The following GNA12 variants were observed in gnomAD, a reference collection of about 807,000 sequenced individuals.
GNA12 encodes G protein subunit alpha 12.
Under a neutral mutation model 26.0 loss-of-function variants are expected in GNA12, and 9 were observed. That is an observed-to-expected ratio of 0.35 (90% CI 0.21 to 0.60). The LOEUF (loss-of-function observed/expected upper bound fraction) is 0.60, where lower values mean the gene tolerates loss of function less well. GNA12 is among the 20% of genes least tolerant of loss of function. GNA12 has a pLI of 0.78. For synonymous variants in GNA12, 264 were observed against 219.6 expected (o/e 1.20, Z -1.79); for missense variants, 405 against 525.8 (o/e 0.77, Z 2.25).
Position 2,731,763 on chromosome 7 carries a change from G to A in GNA12, c.577-13C>T. On this transcript the variant is annotated splice_polypyrimidine_tract_variant and intron_variant, in intron 3 of 3. Coordinates refer to ENST00000275364, the MANE Select transcript of GNA12 (RefSeq NM_007353.3). The surrounding 1 kb of genome is among the most constrained non-coding windows in gnomAD (Gnocchi z 6.0). ...TAGGAAAGTAATTCTGTAAAATACA[G>A]GATGAGGCAGAAATTTAGGGGGAGG... 7.3e-7 allele frequency: 1 copy of A among 1,373,396 alleles called. No homozygotes were observed. Among genetic ancestry groups the A allele is most frequent in the Non-Finnish European group, 9.8e-7 (1 of 1,021,006 alleles). 85.1% of individuals were successfully genotyped at this position (1,373,396 alleles called of 1,614,324 possible).
At chr7:2,842,110 G>GAAAGGAAGAAAAGGAA (rs1458664217) in intron 1 of GNA12, among the ~76,000 whole-genome samples, 3 of 145,356 alleles carry the variant, frequency 2.1e-5, no homozygotes, top group African/African-American at 5.3e-5. Flanking sequence ...AAGGAAGGAA[G>GAAAGGAAGAAAAGGAA]GGAAGGGAGG....
At chr7:2,732,172 A>T (rs374138860) in intron 3 of GNA12, among the ~76,000 whole-genome samples, 3 of 152,342 alleles carry the variant, frequency 2.0e-5, no homozygotes, top group East Asian at 3.9e-4. Flanking sequence ...TCTGCAATAC[A>T]TTTAATGTTA....
chr7:2,772,761 G>A (rs1052381129), intron 2 of GNA12, among the ~76,000 whole-genome samples: 2 of 152,068 alleles, frequency 1.3e-5, no homozygotes, highest in African/African-American at 4.8e-5. Flanking sequence ...AGAAATAGTT[G>A]GCAAACCCAG....
chr7:2,795,006 C>A lies in GNA12; in HGVS notation c.447G>T (p.Leu149=), dbSNP rs1271662708. ...AGAGTGCGCTCAGGGCCGGGACGTA[C>A]AGCTGGAAGGTGGCCGGCTCCACAG... The part of the protein sequence containing the change: ...GLPVEPATFQ[L]YVPALSALWR... Residue 149 remains leucine (L), a synonymous_variant, in exon 2 of 4, where the codon CTG becomes CTT. Coordinates refer to ENST00000275364, the MANE Select transcript of GNA12 (RefSeq NM_007353.3). 1 of 1,614,222 alleles carries A rather than the reference C, an allele frequency of 6.2e-7. No homozygotes were observed. Among genetic ancestry groups the A allele is most frequent in the Non-Finnish European group, 8.5e-7 (1 of 1,180,040 alleles).
chr7:2,762,852 G>A, intron 2 of GNA12: 1 of 1,480,996 alleles, frequency 6.8e-7, no homozygotes, highest in East Asian at 2.6e-5. Flanking sequence ...CTCCGAAGCA[G>A]GAGAGGGCCA....
chr7:2,760,247 C>G (rs1201350561), intron 2 of GNA12: 3 of 152,432 alleles, frequency 2.0e-5, no homozygotes, highest in Non-Finnish European at 4.4e-5. Context: ...CACACCCCAG[C>G]ACGAGCTGCT....
chr7:2,788,447 G>A (rs1792422023), intron 2 of GNA12, among the ~76,000 whole-genome samples: 1 of 152,212 alleles, frequency 6.6e-6, no homozygotes. Flanking sequence ...TGCAGCTGAG[G>A]ACAGGAGCGC....
chr7:2,825,272 C>T (rs1269033236), intron 1 of GNA12, among the ~76,000 whole-genome samples: 1 of 152,152 alleles, frequency 6.6e-6, no homozygotes, highest in Admixed American at 6.5e-5. Flanking sequence ...CCCCTCCCTC[C>T]CTCCGAGCTC....
At chr7:2,843,792 G>C in intron 1 of GNA12, 61 bp downstream of exon 1, 12 of 948,920 alleles carry the variant, frequency 1.3e-5, no homozygotes, top group Non-Finnish European at 1.8e-5. Context: ...GAGGGGCCCG[G>C]GGCGGGGGTT....
At chr7:2,763,535 C>CA (rs1173098828) in intron 2 of GNA12, among the ~76,000 whole-genome samples, 1 of 152,228 alleles carries the variant, frequency 6.6e-6, no homozygotes, top group East Asian at 1.9e-4. Context: ...ATGTCCCAAG[C>CA]AGTGTCTCAA....
intron 1 of GNA12, among the ~76,000 whole-genome samples, chr7:2,806,799 A>G (rs889524568): frequency 2.0e-5 from 3 of 152,214 alleles, no homozygotes; most frequent in Non-Finnish European, 2.9e-5. Context: ...ATGGCTGGAC[A>G]TCGGAATTCT....
chr7:2,762,597 A>G, intron 2 of GNA12: 1 of 1,512,930 alleles, frequency 6.6e-7, no homozygotes, highest in East Asian at 2.4e-5. Context: ...CAAACCCAAA[A>G]AAGGACAATC....
chr7:2,755,500 G>C (rs907313887), intron 2 of GNA12, among the ~76,000 whole-genome samples: 2 of 152,190 alleles, frequency 1.3e-5, no homozygotes, highest in African/African-American at 2.4e-5. Flanking sequence ...TTTTTAAAAT[G>C]ACTGTTAATG....
At chr7:2,788,629 G>C (rs1792427059) in intron 2 of GNA12, among the ~76,000 whole-genome samples, 1 of 152,198 alleles carries the variant, frequency 6.6e-6, no homozygotes, top group Non-Finnish European at 1.5e-5. Flanking sequence ...GCCATGTTTG[G>C]AGGAAAGTTA....
chr7:2,742,476 C>CTG (rs1583221241), intron 2 of GNA12, among the ~76,000 whole-genome samples: 2 of 152,328 alleles, frequency 1.3e-5, no homozygotes, highest in East Asian at 3.9e-4. Context: ...AAGAGCCCTG[C>CTG]TCCTGTTTAT....
At chr7:2,823,093 T>C (rs749371113) in intron 1 of GNA12, among the ~76,000 whole-genome samples, 1 of 152,180 alleles carries the variant, frequency 6.6e-6, no homozygotes, top group Non-Finnish European at 1.5e-5. Context: ...CAGTAACTAT[T>C]TGTATATTAT....
intron 2 of GNA12, among the ~76,000 whole-genome samples, chr7:2,741,081 C>CA (rs1790477501): frequency 6.6e-6 from 1 of 151,686 alleles, no homozygotes; most frequent in Non-Finnish European, 1.5e-5. Context: ...AATAATCAAA[C>CA]AAAAAACCAC....
intron 1 of GNA12, among the ~76,000 whole-genome samples, chr7:2,823,122 G>A (rs755075236): frequency 2.6e-4 from 39 of 152,120 alleles, no homozygotes; most frequent in Non-Finnish European, 4.4e-4. Flanking sequence ...AAAAACGTGG[G>A]GTCCGAGGCA....
intron 1 of GNA12, among the ~76,000 whole-genome samples, chr7:2,825,208 CAGAA>C (rs1241314222): frequency 6.6e-6 from 1 of 152,220 alleles, no homozygotes; most frequent in African/African-American, 2.4e-5. Context: ...AGAAACAAGA[CAGAA>C]GGAATCCTGG....
Sources: allele counts gnomAD v4.1 joint callset (sites outside exome capture counted in the v4.1 genomes callset), GRCh38; gene constraint gnomAD v4.1.1; non-coding constraint Gnocchi (gnomAD v3.1); transcripts MANE v1.5; gene names NCBI Gene and HGNC (gene_info 2026-07-23, HGNC 2026-07-21).